SUGP1: variants seen among roughly 807,000 people sequenced by gnomAD.
The protein encoded by SUGP1 is SURP and G-patch domain-containing protein 1.
In SUGP1, 34 loss-of-function variants were observed where a neutral mutation model predicts 76.5. The observed-to-expected ratio is 0.44, with a 90% CI of 0.34 to 0.59. SUGP1 has a LOEUF of 0.59. SUGP1 is among the 20% of genes least tolerant of loss of function. The pLI, the probability that SUGP1 is intolerant of heterozygous loss-of-function variation, is 0.01. For missense variants in SUGP1, 752 were observed against 851.7 expected (o/e 0.88, Z 1.46); for synonymous variants, 326 against 326.2 (o/e 1.00, Z 0.01).
At chr19:19,308,109 A>G (rs2061329817) in intron 3 of SUGP1, among the ~76,000 whole-genome samples, 1 of 151,866 alleles carries the variant, frequency 6.6e-6, no homozygotes, top group South Asian at 2.1e-4. Flanking sequence ...ACTCACTGCT[A>G]CCTCCGCCTC....
At chr19:19,310,245 G>A in intron 2 of SUGP1, 45 bp from the exon 3 acceptor site, 1 of 1,451,332 alleles carries the variant, frequency 6.9e-7, no homozygotes, top group South Asian at 1.1e-5. Context: ...GGCTAGAGAT[G>A]GAGTGAGGGC....
chr19:19,295,692 C>G (rs1018079231), intron 8 of SUGP1, among the ~76,000 whole-genome samples: 1 of 149,520 alleles, frequency 6.7e-6, no homozygotes, highest in Non-Finnish European at 1.5e-5. Context: ...GCCTGGGCAA[C>G]AGAGCGAAAC....
At chr19:19,293,094 G>A (rs767997973) in intron 8 of SUGP1, among the ~76,000 whole-genome samples, 14 of 151,720 alleles carry the variant, frequency 9.2e-5, no homozygotes, top group Non-Finnish European at 1.9e-4. Context: ...TTTTTTGGTA[G>A]AGACGGGGTT....
In SUGP1 at chr19:19,316,144, A is replaced by G. The variant is rs1422859509; in HGVS notation, c.206+278T>C. The G allele has an allele frequency of 4.1e-5, 15 of 365,970 alleles. No homozygotes were observed. The South Asian group carries it at 5.5e-4, about 13-fold the overall frequency. The allele number at this position is 365,970 out of a possible 1,614,324, so 22.7% of individuals were successfully genotyped here. ...CAGCACACCTGAACTCAAGGCAGAG[A>G]TTTTTACTCTGTTATACCCCTTCCC... On this transcript the variant is annotated intron_variant, in intron 2 of 13. Coordinates refer to ENST00000247001, the MANE Select transcript of SUGP1 (RefSeq NM_172231.4).
intron 3 of SUGP1, among the ~76,000 whole-genome samples, chr19:19,306,507 G>A (rs1189011686): frequency 6.6e-6 from 1 of 152,230 alleles, no homozygotes; most frequent in Non-Finnish European, 1.5e-5. Context: ...ATGGGGAAGG[G>A]ACTCAAACCA....
At chr19:19,288,065 A>T (rs999580673) in intron 8 of SUGP1, among the ~76,000 whole-genome samples, 2 of 151,752 alleles carry the variant, frequency 1.3e-5, no homozygotes, top group African/African-American at 2.4e-5. Flanking sequence ...CTTTTTTTTT[A>T]AAAGAGGCAG....
At chr19:19,283,852 T>C (rs1411308878) in intron 8 of SUGP1, among the ~76,000 whole-genome samples, 1 of 152,254 alleles carries the variant, frequency 6.6e-6, no homozygotes, top group Non-Finnish European at 1.5e-5. Context: ...CCCAAAGTGC[T>C]GGGATTACAG....
intron 1 of SUGP1, among the ~76,000 whole-genome samples, chr19:19,319,273 T>C (rs2061419378): frequency 6.6e-6 from 1 of 152,032 alleles, no homozygotes; most frequent in African/African-American, 2.4e-5. Context: ...CCCCGCCAGA[T>C]GGTTCCCCTC....
At chr19:19,299,746 G>A (rs559942060) in intron 7 of SUGP1, among the ~76,000 whole-genome samples, 2 of 151,924 alleles carry the variant, frequency 1.3e-5, no homozygotes, top group African/African-American at 4.8e-5. Flanking sequence ...TCAGAAATGG[G>A]AGAATGACTA....
chr19:19,305,422 C>G (rs1033011665), intron 4 of SUGP1, among the ~76,000 whole-genome samples: 26 of 152,368 alleles, frequency 1.7e-4, no homozygotes, highest in Admixed American at 9.1e-4. Context: ...GCAGCTCATA[C>G]CTCTGGCCTA....
In SUGP1 at chr19:19,305,897, G is replaced by A. The variant is rs756091098; in HGVS notation, c.490C>T (p.Pro164Ser). 1.9e-6 allele frequency: 3 copies of A among 1,613,462 alleles called. No individual in the cohort carries two copies. Among genetic ancestry groups the A allele is most frequent in the Middle Eastern group, 1.6e-4 (1 of 6,080 alleles). ...TAGTCCTCCTCCTCGTCCTCGTCAG[G>A]GGACTGGAAGACACTCGGGCGGTGC... Reference protein sequence around the residue: ...VAHRPSVFQSPDEDEEEDYEQ... With the variant: ...VAHRPSVFQSSDEDEEEDYEQ... The change falls in exon 4 of 14, where the codon CCT becomes TCT. Residue 164 changes from proline to serine, a missense_variant. By Grantham distance (74) the Pro-to-Ser change is moderately conservative. Coordinates refer to ENST00000247001, the MANE Select transcript of SUGP1 (RefSeq NM_172231.4).
chr19:19,298,420 C>A (rs1411592697), intron 7 of SUGP1, among the ~76,000 whole-genome samples: 1 of 152,156 alleles, frequency 6.6e-6, no homozygotes, highest in East Asian at 1.9e-4. Flanking sequence ...ATCACGCGAA[C>A]CTGGGAGGCG....
chr19:19,305,699 A>G (rs2061310971), intron 4 of SUGP1, 150 bp downstream of exon 4: 1 of 719,734 alleles, frequency 1.4e-6, no homozygotes, highest in Admixed American at 3.1e-5. Flanking sequence ...TCCTCACCTC[A>G]GAGGGCCTGA....
chr19:19,300,669 C>T (rs573160525), intron 7 of SUGP1, among the ~76,000 whole-genome samples: 212 of 152,296 alleles, frequency 1.4e-3, no homozygotes, highest in African/African-American at 2.0e-3. Context: ...TTTCCTGGTC[C>T]GGCTCTGGCT....
chr19:19,286,945 CA>C (rs112097780), intron 8 of SUGP1, among the ~76,000 whole-genome samples: 26,680 of 142,332 alleles, frequency 0.19, 2,802 homozygotes, highest in Middle Eastern at 0.3. Flanking sequence ...ACTCTGTCTC[CA>C]AAAAAAAAAG....
At chr19:19,316,773 T>C (rs1335153217) in intron 1 of SUGP1, among the ~76,000 whole-genome samples, 180 bp from the exon 2 acceptor site, 2 of 152,140 alleles carry the variant, frequency 1.3e-5, no homozygotes, top group Admixed American at 6.6e-5. Context: ...CTACGTGCTA[T>C]GCAAGAGAAC....
At chr19:19,310,271 T>C in intron 2 of SUGP1, 71 bp from the exon 3 acceptor site, 2 of 1,174,232 alleles carry the variant, frequency 1.7e-6, no homozygotes, top group Non-Finnish European at 2.6e-6. Context: ...AGGACGAGGA[T>C]GAGGATGAGG....
chr19:19,310,370 T>G (rs543672319), intron 2 of SUGP1, among the ~76,000 whole-genome samples, 170 bp from the exon 3 acceptor site: 1 of 152,332 alleles, frequency 6.6e-6, no homozygotes, highest in South Asian at 2.1e-4. Flanking sequence ...TTCAAGAGAC[T>G]ACTGCGAAGT....
At chr19:19,287,163 C>T (rs915262556) in intron 8 of SUGP1, among the ~76,000 whole-genome samples, 1 of 152,000 alleles carries the variant, frequency 6.6e-6, no homozygotes, top group Admixed American at 6.6e-5. Context: ...CCAAGCTGCT[C>T]GGAAGACTGA....
Sources: gnomAD v4.1 joint callset for allele counts (sites outside exome capture counted in the v4.1 genomes callset) on GRCh38, gnomAD v4.1.1 for gene constraint, MANE v1.5 for transcripts, NCBI Gene and HGNC (gene_info 2026-07-23, HGNC 2026-07-21) for gene names.